TRPC5: variants seen among roughly 807,000 people sequenced by gnomAD.
The protein encoded by TRPC5 is short transient receptor potential channel 5.
TRPC5 carries 9 observed loss-of-function variants against 56.5 expected under a neutral mutation model. That is an observed-to-expected ratio of 0.16 (90% CI 0.10 to 0.28). The LOEUF (loss-of-function observed/expected upper bound fraction) is 0.28. Ranked by LOEUF, TRPC5 falls within the 10% of genes least tolerant of loss-of-function variation. The probability of loss-of-function intolerance (pLI) is 1.00; values close to 1 mark genes in which losing one functional copy is unlikely to be tolerated. For missense variants in TRPC5, 469 were observed against 748.9 expected (o/e 0.63, Z 4.36); for synonymous variants, 282 against 278.5 (o/e 1.01, Z -0.13).
At chrX:111,993,425 G>A (rs887439909) in intron 1 of TRPC5, among the ~76,000 whole-genome samples, 5 of 112,002 alleles carry the variant, frequency 4.5e-5, no homozygotes, top group Non-Finnish European at 9.4e-5. Context: ...CCAGTAATGG[G>A]ATCACTGGAT....
At chrX:111,911,803 CCAA>C (rs1186168116) in intron 3 of TRPC5, among the ~76,000 whole-genome samples, 4 of 112,204 alleles carry the variant, frequency 3.6e-5, no homozygotes, top group African/African-American at 6.5e-5. Context: ...TTCAGTTGTG[CCAA>C]CAATTACCAG....
intron 7 of TRPC5, among the ~76,000 whole-genome samples, chrX:111,796,902 A>G (rs954099970): frequency 8.9e-6 from 1 of 111,913 alleles, no homozygotes; most frequent in Non-Finnish European, 1.9e-5. Flanking sequence ...TTTTTTTATC[A>G]GCCTCTTTTT....
intron 9 of TRPC5, among the ~76,000 whole-genome samples, 172 bp from the exon 10 acceptor site, chrX:111,779,246 T>C (rs1417241958): frequency 8.9e-6 from 1 of 111,940 alleles, no homozygotes; most frequent in Non-Finnish European, 1.9e-5. Context: ...AAACAACTAT[T>C]GTGTCTCTGA....
intron 7 of TRPC5, among the ~76,000 whole-genome samples, chrX:111,824,499 A>G (rs1254781288): frequency 1.8e-5 from 2 of 111,810 alleles, no homozygotes; most frequent in African/African-American, 6.5e-5. Context: ...GCTAGATATT[A>G]TTATTTCTTA....
intron 1 of TRPC5, among the ~76,000 whole-genome samples, chrX:112,023,713 G>A (rs771177254): frequency 9.0e-6 from 1 of 111,252 alleles, no homozygotes; most frequent in East Asian, 2.8e-4. Context: ...TCCTATATCT[G>A]GACTATTTTC....
intron 7 of TRPC5, among the ~76,000 whole-genome samples, chrX:111,813,717 C>A (rs1921779017): frequency 8.9e-6 from 1 of 112,401 alleles, no homozygotes; most frequent in Admixed American, 9.5e-5. Flanking sequence ...TCCTAGGAAT[C>A]TTAGGCCCCA....
At chrX:111,807,481 T>C (rs1395330237) in intron 7 of TRPC5, among the ~76,000 whole-genome samples, 1 of 112,543 alleles carries the variant, frequency 8.9e-6, no homozygotes, top group East Asian at 2.8e-4. Flanking sequence ...CTGTGTTATC[T>C]TGAATTTTGT....
intron 3 of TRPC5, among the ~76,000 whole-genome samples, chrX:111,854,664 CTGTT>C (rs1183612510): frequency 8.9e-6 from 1 of 112,318 alleles, no homozygotes; most frequent in Non-Finnish European, 1.9e-5. Context: ...AATGTGCACT[CTGTT>C]TGGGCAAACA....
intron 2 of TRPC5, among the ~76,000 whole-genome samples, chrX:111,948,183 GT>G (rs987430151): frequency 2.7e-5 from 3 of 109,351 alleles, no homozygotes; most frequent in Non-Finnish European, 3.8e-5. Flanking sequence ...TGATGATTTA[GT>G]TTTTTTTTGT....
rs1278287789 is a variant in TRPC5 at position 111,853,773 on chromosome X, G to T, written c.1234C>A (p.Leu412Ile). 1 of 1,210,532 alleles carries T rather than the reference G, an allele frequency of 8.3e-7. No homozygotes were observed. The highest frequency in any genetic ancestry group is 1.7e-5 in the African/African-American group (1 of 57,739). The change falls in exon 4 of 11, where the codon CTA becomes ATA. Residue 412 changes from leucine to isoleucine, a missense_variant. By Grantham distance (5) the Leu-to-Ile change is conservative (BLOSUM62 2). This residue lies in a region of TRPC5 where 157 missense variants were observed against 360.0 expected (regional missense o/e 0.44). Transcript: ENST00000262839. Reference protein sequence around the residue: ...VVEWMILPWVLGFIWGEIKEM... With the variant: ...VVEWMILPWVIGFIWGEIKEM... ...GGTCCTGGTCCCTTTGACTTACCTA[G>T]AACCCAAGGCAATATCATCCATTCC...
At chrX:111,930,897 C>T (rs1926395012) in intron 2 of TRPC5, 1 of 121,740 alleles carries the variant, frequency 8.2e-6, no homozygotes, top group Non-Finnish European at 1.7e-5. Flanking sequence ...GGGATAGGGC[C>T]CCAATCACCC....
intron 3 of TRPC5, chrX:111,901,979 G>A (rs61729631): frequency 8.7e-7 from 1 of 1,153,787 alleles, no homozygotes; most frequent in African/African-American, 1.8e-5. Context: ...AGAAGAAAAT[G>A]GTAGAGCAGA....
intron 3 of TRPC5, among the ~76,000 whole-genome samples, chrX:111,874,467 A>C (rs1923858227): frequency 1.8e-5 from 2 of 111,837 alleles, no homozygotes; most frequent in South Asian, 7.7e-4. Flanking sequence ...GAGAGTTGTA[A>C]TTATTCTAAT....
intron 1 of TRPC5, among the ~76,000 whole-genome samples, chrX:111,988,779 T>G (rs1928277182): frequency 9.0e-6 from 1 of 111,463 alleles, no homozygotes; most frequent in Admixed American, 9.6e-5. Context: ...ATATTTTCTT[T>G]GATTTTAATT....
chrX:112,019,896 A>C (rs190143304), intron 1 of TRPC5, among the ~76,000 whole-genome samples: 1 of 112,046 alleles, frequency 8.9e-6, no homozygotes, highest in African/African-American at 3.2e-5. Context: ...TGATGAGCTT[A>C]AAATCTCTCA....
chrX:111,775,335 A>AT lies in TRPC5; in HGVS notation c.*977dup, dbSNP rs2148546126. On this transcript the variant is annotated 3_prime_UTR_variant, in exon 11 of 11. Coordinates refer to ENST00000262839, the MANE Select transcript of TRPC5 (RefSeq NM_012471.3). ...TATTTTGACACTTCAGCAATATGCC[A>AT]TTTTTCTGATAAAAATATTTCAAAT... The AT allele has an allele frequency of 8.9e-6, 1 of 111,933 alleles. No homozygotes were observed. Among genetic ancestry groups the AT allele is most frequent in the African/African-American group, 3.2e-5 (1 of 30,856 alleles). 9.2% of individuals were successfully genotyped at this position (111,933 alleles called of 1,213,427 possible). A position where few individuals can be genotyped will look rare whatever the true frequency, so the allele number is the denominator to read the frequency against.
At chrX:111,799,880 A>G (rs990089339) in intron 7 of TRPC5, among the ~76,000 whole-genome samples, 1 of 112,139 alleles carries the variant, frequency 8.9e-6, no homozygotes, top group Non-Finnish European at 1.9e-5. Flanking sequence ...GACGGAGATG[A>G]GTGCTTCTGA....
At chrX:111,897,619 G>A (rs1157926633) in intron 3 of TRPC5, among the ~76,000 whole-genome samples, 2 of 111,501 alleles carry the variant, frequency 1.8e-5, no homozygotes, top group Non-Finnish European at 3.8e-5. Flanking sequence ...ATTGTATATG[G>A]ATGGAATCAT....
At chrX:111,795,498 T>A (rs776153846) in intron 7 of TRPC5, among the ~76,000 whole-genome samples, 1 of 111,585 alleles carries the variant, frequency 9.0e-6, no homozygotes, top group Admixed American at 9.6e-5. Context: ...ATAGTTTTAT[T>A]TGTTTGGTAG....
Sources: allele counts gnomAD v4.1 joint callset (sites outside exome capture counted in the v4.1 genomes callset), GRCh38; gene constraint gnomAD v4.1.1; regional missense constraint gnomAD v4.1.1; transcripts MANE v1.5; gene names NCBI Gene and HGNC (gene_info 2026-07-23, HGNC 2026-07-21).